GPC5: variants seen among roughly 807,000 people sequenced by gnomAD.
The protein encoded by GPC5 is glypican 5, also known as glypican-5.
In GPC5, 47 loss-of-function variants were observed where a neutral mutation model predicts 53.9. The observed-to-expected ratio is 0.87, with a 90% CI of 0.69 to 1.11. The LOEUF (loss-of-function observed/expected upper bound fraction) is 1.11, where lower values mean the gene tolerates loss of function less well. Ranked by LOEUF, GPC5 falls within the 50% of genes most tolerant of loss-of-function variation. The probability of loss-of-function intolerance (pLI) is 0.00; values close to 1 mark genes in which losing one functional copy is unlikely to be tolerated. For missense variants in GPC5, 748 were observed against 713.1 expected, an observed-to-expected ratio of 1.05 and a Z score of -0.56; for synonymous variants, 286 against 263.3, an observed-to-expected ratio of 1.09 and a Z score of -0.84.
chr13:92,036,782 G>T (rs1407625589), intron 6 of GPC5, among the ~76,000 whole-genome samples: 1 of 152,100 alleles, frequency 6.6e-6, no homozygotes. Flanking sequence ...TTATGCAGTT[G>T]CTCAGAACAA....
chr13:91,493,760 T>G (rs1884070713), intron 2 of GPC5, among the ~76,000 whole-genome samples: 1 of 151,212 alleles, frequency 6.6e-6, no homozygotes, highest in Non-Finnish European at 1.5e-5. Flanking sequence ...TCATCCTTAG[T>G]CTTAGCTGAT....
chr13:92,209,982 G>T, intron 7 of GPC5, among the ~76,000 whole-genome samples: 1 of 152,094 alleles, frequency 6.6e-6, no homozygotes, highest in Non-Finnish European at 1.5e-5. Context: ...AGGCTGGGAG[G>T]CTAAGTCAGC....
intron 7 of GPC5, among the ~76,000 whole-genome samples, chr13:92,290,995 C>A (rs1048946103): frequency 2.0e-5 from 3 of 152,100 alleles, no homozygotes; most frequent in African/African-American, 7.2e-5. Flanking sequence ...GCCTGCCAGC[C>A]CCGCTGGCCC....
At chr13:92,240,107 A>G (rs2042600642) in intron 7 of GPC5, 1 of 152,076 alleles carries the variant, frequency 6.6e-6, no homozygotes, top group Admixed American at 6.6e-5. Flanking sequence ...GCAAAACTCC[A>G]TGGTTATAAA....
At chr13:92,188,026 T>C (rs1210088381) in intron 7 of GPC5, among the ~76,000 whole-genome samples, 1 of 152,208 alleles carries the variant, frequency 6.6e-6, no homozygotes, top group Non-Finnish European at 1.5e-5. Flanking sequence ...TTATTTATGT[T>C]GTGATATGAC....
At chr13:92,457,248 G>A (rs1878304465) in intron 7 of GPC5, among the ~76,000 whole-genome samples, 1 of 152,058 alleles carries the variant, frequency 6.6e-6, no homozygotes, top group South Asian at 2.1e-4. Flanking sequence ...ATCCACCACT[G>A]ACAGGCACCT....
At chr13:91,457,405 A>T (rs899511694) in intron 2 of GPC5, among the ~76,000 whole-genome samples, 1 of 152,096 alleles carries the variant, frequency 6.6e-6, no homozygotes, top group Non-Finnish European at 1.5e-5. Flanking sequence ...AAACTCAATA[A>T]TGTATCTATT....
chr13:92,557,087 G>C (rs1182891054), intron 7 of GPC5, among the ~76,000 whole-genome samples: 1 of 151,110 alleles, frequency 6.6e-6, no homozygotes. Flanking sequence ...CACGATTTTA[G>C]GATCTCTGAG....
rs1409468251 is a variant in GPC5, at chr13:91,665,917, T to G, written c.326-27270T>G. Among the ~76,000 whole-genome samples, 5 of 152,222 alleles carry G rather than the reference T, an allele frequency of 3.3e-5. No homozygotes were observed. In the East Asian group the frequency reaches 9.6e-4, roughly 29 times the overall value. ...TATGCCATTAGACAAGTACTAACATTAAATTAGTCAATGGATCTTAGAGTT... is the reference window on the plus strand; with the variant it reads ...TATGCCATTAGACAAGTACTAACATGAAATTAGTCAATGGATCTTAGAGTT... On this transcript the variant is annotated intron_variant, in intron 2 of 7. Coordinates refer to ENST00000377067, the MANE Select transcript of GPC5 (RefSeq NM_004466.6).
intron 7 of GPC5, among the ~76,000 whole-genome samples, chr13:92,175,006 C>T (rs1049766595): frequency 2.6e-5 from 4 of 152,106 alleles, no homozygotes; most frequent in African/African-American, 7.2e-5. Context: ...TGCGCCACCA[C>T]GTCCTGCTAA....
chr13:91,848,988 T>C (rs1566301981), intron 5 of GPC5, among the ~76,000 whole-genome samples: 1 of 152,210 alleles, frequency 6.6e-6, no homozygotes, highest in African/African-American at 2.4e-5. Context: ...TGCTTAAATG[T>C]GAACTATTTT....
intron 7 of GPC5, among the ~76,000 whole-genome samples, chr13:92,720,682 ACTTATT>A (rs1375930330): frequency 9.2e-5 from 14 of 152,278 alleles, no homozygotes; most frequent in Middle Eastern, 3.4e-3. Flanking sequence ...ATAAAGATTT[ACTTATT>A]CTTATGACAA....
intron 7 of GPC5, among the ~76,000 whole-genome samples, chr13:92,516,469 A>G (rs1382130213): frequency 6.6e-6 from 1 of 152,204 alleles, no homozygotes; most frequent in African/African-American, 2.4e-5. Context: ...GGCTAAAATG[A>G]ATTCCTTTAT....
chr13:91,725,325 G>A, intron 3 of GPC5, among the ~76,000 whole-genome samples: 1 of 152,160 alleles, frequency 6.6e-6, no homozygotes, highest in East Asian at 1.9e-4. Context: ...GAAGGAAATT[G>A]CAGTATAAGT....
At chr13:91,663,720 T>A (rs1240794354) in intron 2 of GPC5, among the ~76,000 whole-genome samples, 1 of 152,138 alleles carries the variant, frequency 6.6e-6, no homozygotes, top group Non-Finnish European at 1.5e-5. Flanking sequence ...CACATCAGCC[T>A]CCTGAGTTGT....
chr13:92,830,221 T>C (rs1199207546), intron 7 of GPC5, among the ~76,000 whole-genome samples: 1 of 151,814 alleles, frequency 6.6e-6, no homozygotes, highest in Non-Finnish European at 1.5e-5. Flanking sequence ...TTCCACATTG[T>C]TTTTTTTCGT....
At chr13:91,603,771 ATC>A (rs1476283308) in intron 2 of GPC5, among the ~76,000 whole-genome samples, 2 of 152,032 alleles carry the variant, frequency 1.3e-5, no homozygotes, top group Non-Finnish European at 2.9e-5. Flanking sequence ...ATATGGACTT[ATC>A]TCTCTTTCTA....
chr13:91,663,636 T>C (rs1315679294), intron 2 of GPC5, among the ~76,000 whole-genome samples: 3 of 151,998 alleles, frequency 2.0e-5, no homozygotes, highest in Admixed American at 2.0e-4. Context: ...TAAAAACATT[T>C]TTTTTTTTGT....
At chr13:92,849,256 G>A (rs750382669) in intron 7 of GPC5, among the ~76,000 whole-genome samples, 2 of 152,006 alleles carry the variant, frequency 1.3e-5, no homozygotes, top group African/African-American at 4.8e-5. Flanking sequence ...AGCAATGACT[G>A]TCTCTCTGTA....
Sources: allele counts gnomAD v4.1 joint callset (sites outside exome capture counted in the v4.1 genomes callset), GRCh38; gene constraint gnomAD v4.1.1; transcripts MANE v1.5; gene names NCBI Gene and HGNC (gene_info 2026-07-23, HGNC 2026-07-21).